Variants in PDE1C observed in about 807,000 individuals in gnomAD.
PDE1C encodes the protein phosphodiesterase 1C, also known as dual specificity calcium/calmodulin-dependent 3',5'-cyclic nucleotide phosphodiesterase 1C.
Under a neutral mutation model 93.1 loss-of-function variants are expected in PDE1C, and 62 were observed. The observed-to-expected ratio is 0.67, with a 90% CI of 0.54 to 0.82. The LOEUF (loss-of-function observed/expected upper bound fraction) is 0.82, where lower values mean the gene tolerates loss of function less well. Among genes scored for constraint, PDE1C ranks in the 40% least tolerant of loss-of-function variants. PDE1C has a pLI of 0.00. For synonymous variants in PDE1C, 325 were observed against 310.1 expected, an observed-to-expected ratio of 1.05 and a Z score of -0.50; for missense variants, 742 against 884.6, an observed-to-expected ratio of 0.84 and a Z score of 2.04.
chr7:32,299,218 A>C (rs2128901634), exon 1 of PDE1C: 1 of 989,294 alleles, frequency 1.0e-6, no homozygotes, highest in Middle Eastern at 5.2e-4. Context: ...TGCGTCTTCT[A>C]GATATGTTTT....
intron 2 of PDE1C, among the ~76,000 whole-genome samples, chr7:32,042,608 A>G (rs1584568514): frequency 6.6e-6 from 1 of 152,222 alleles, no homozygotes; most frequent in African/African-American, 2.4e-5. Flanking sequence ...TTTGTGCTTT[A>G]GCAATACTTT....
chr7:31,652,189 T>A, the PDE1C span: 2 of 747,010 alleles, frequency 2.7e-6, no homozygotes, highest in South Asian at 1.9e-5. Context: ...TACAGAGAAG[T>A]ACTTTGGTTT....
rs567061077 is a variant in PDE1C, at chr7:32,324,863, C to G, written c.310+102959G>C. Among the ~76,000 whole-genome samples, 3 of 152,190 alleles carry G rather than the reference C, an allele frequency of 2.0e-5. No homozygotes were observed. The South Asian group carries it at 6.2e-4, about 32-fold the overall frequency. On this transcript the variant is annotated intron_variant, in intron 1 of 1. Transcript: ENST00000672256. ...ACCAGGGAGGCTGAGGTGGGAGGAT[C>G]GCTTGAACCTGGGAGGTCAAGGATG...
intron 1 of PDE1C, among the ~76,000 whole-genome samples, chr7:32,398,119 C>T (rs1353860211): frequency 2.7e-5 from 4 of 148,330 alleles, no homozygotes; most frequent in African/African-American, 1.0e-4. Flanking sequence ...CGCCACTGCA[C>T]TCCAGCCTGG....
intron 2 of PDE1C, among the ~76,000 whole-genome samples, chr7:31,973,346 T>G (rs1474604337): frequency 1.3e-5 from 2 of 152,084 alleles, no homozygotes; most frequent in African/African-American, 4.8e-5. Context: ...AACCTGCAGA[T>G]TTAAGAAGCT....
At chr7:31,636,194 A>T in the PDE1C span, among the ~76,000 whole-genome samples, 17 of 152,228 alleles carry the variant, frequency 1.1e-4, no homozygotes, top group African/African-American at 3.9e-4. Context: ...CCCTCCCATG[A>T]CATGTGGGGA....
intron 3 of PDE1C, among the ~76,000 whole-genome samples, chr7:32,082,614 G>C (rs992727927): frequency 5.3e-5 from 8 of 152,194 alleles, no homozygotes; most frequent in African/African-American, 1.7e-4. Context: ...AGTAGGGGCA[G>C]ACTGACACCT....
At chr7:32,256,766 A>G (rs529944312) in intron 1 of PDE1C, among the ~76,000 whole-genome samples, 1 of 152,358 alleles carries the variant, frequency 6.6e-6, no homozygotes, top group African/African-American at 2.4e-5. Flanking sequence ...CAGAGGCAAT[A>G]ACATCTATTC....
At chr7:31,972,187 T>C (rs1339906654) in intron 2 of PDE1C, among the ~76,000 whole-genome samples, 1 of 152,218 alleles carries the variant, frequency 6.6e-6, no homozygotes. Context: ...CAACCACGTA[T>C]TATTAAATAA....
At chr7:32,240,102 C>T (rs996413199) in intron 1 of PDE1C, among the ~76,000 whole-genome samples, 28 of 152,176 alleles carry the variant, frequency 1.8e-4, no homozygotes, top group African/African-American at 6.5e-4. Context: ...AAGCCACTTA[C>T]ATGTGAAAGC....
chr7:31,829,105 A>C (rs1184039263), intron 11 of PDE1C, among the ~76,000 whole-genome samples: 2 of 152,160 alleles, frequency 1.3e-5, no homozygotes, highest in Non-Finnish European at 2.9e-5. Flanking sequence ...AAGGAAAAAT[A>C]ATATGTCACC....
intron 7 of PDE1C, among the ~76,000 whole-genome samples, chr7:31,859,420 T>C (rs912797095): frequency 8.9e-5 from 13 of 145,880 alleles, no homozygotes; most frequent in African/African-American, 1.7e-4. Context: ...CTATATAATA[T>C]AGAATATATT....
chr7:32,376,416 A>T (rs1784432911), intron 1 of PDE1C, among the ~76,000 whole-genome samples: 1 of 152,208 alleles, frequency 6.6e-6, no homozygotes, highest in Admixed American at 6.5e-5. Flanking sequence ...CACAAAATGC[A>T]ATGTCTCTGC....
At chr7:32,413,924 G>C (rs1785222311) in intron 1 of PDE1C, among the ~76,000 whole-genome samples, 1 of 152,098 alleles carries the variant, frequency 6.6e-6, no homozygotes, top group Non-Finnish European at 1.5e-5. Context: ...CAATTAAAGG[G>C]TGGAGGGACT....
intron 1 of PDE1C, among the ~76,000 whole-genome samples, chr7:32,410,207 C>A (rs931243357): frequency 2.6e-5 from 4 of 152,118 alleles, no homozygotes; most frequent in Admixed American, 2.0e-4. Flanking sequence ...GTGACACACA[C>A]CTGTAGTCCT....
chr7:31,658,325 ACT>A, the PDE1C span: 143 of 1,523,176 alleles, frequency 9.4e-5, no homozygotes, highest in African/African-American at 1.6e-3. Context: ...AAAGCAAATA[ACT>A]CTGCTAAAGA....
the PDE1C span, among the ~76,000 whole-genome samples, chr7:31,744,507 G>A: frequency 2.2e-4 from 33 of 152,142 alleles, no homozygotes; most frequent in Non-Finnish European, 3.5e-4. Context: ...GACTGTGAGC[G>A]TATCAGGTGC....
intron 3 of PDE1C, among the ~76,000 whole-genome samples, chr7:32,167,977 T>G (rs1356998790): frequency 1.3e-5 from 2 of 152,126 alleles, no homozygotes; most frequent in African/African-American, 2.4e-5. Flanking sequence ...GCCACCACAG[T>G]TAAGGACAAT....
chr7:31,809,595 T>G (rs1332728487), intron 15 of PDE1C, among the ~76,000 whole-genome samples: 1 of 152,074 alleles, frequency 6.6e-6, no homozygotes, highest in Non-Finnish European at 1.5e-5. Flanking sequence ...CTTGTCAAAA[T>G]GTAGTTTGTA....
Sources: allele counts gnomAD v4.1 joint callset (sites outside exome capture counted in the v4.1 genomes callset), GRCh38; gene constraint gnomAD v4.1.1; transcripts MANE v1.5; gene names NCBI Gene and HGNC (gene_info 2026-07-23, HGNC 2026-07-21).